The following GOLPH3 variants were observed in gnomAD, a reference collection of about 807,000 sequenced individuals.
GOLPH3 encodes coat protein GPP34.
In GOLPH3, 14 loss-of-function variants were observed where a neutral mutation model predicts 28.5. That is an observed-to-expected ratio of 0.49 (90% CI 0.32 to 0.77). The LOEUF (loss-of-function observed/expected upper bound fraction) is 0.77, where lower values mean the gene tolerates loss of function less well. Among genes scored for constraint, GOLPH3 ranks in the 30% least tolerant of loss-of-function variants. GOLPH3 has a pLI of 0.03. For missense variants in GOLPH3, 350 were observed against 393.7 expected, an observed-to-expected ratio of 0.89 and a Z score of 0.94; for synonymous variants, 158 against 159.2, an observed-to-expected ratio of 0.99 and a Z score of 0.06.
Position 32,173,297 on chromosome 5 carries a change from G to A in GOLPH3, c.225+513C>T, listed in dbSNP as rs181428998. 2.0e-5 allele frequency among the ~76,000 whole-genome samples: 3 copies of A among 151,646 alleles called. No individual in the cohort carries two copies. The East Asian group carries it at 5.8e-4, about 30-fold the overall frequency. On this transcript the variant is annotated intron_variant, in intron 1 of 3. Transcript: ENST00000265070. ...GAGCTTTTCCCTCTATTACCACTTC[G>A]CCTACGTTTTTCGTAATTCCCAACA...
chr5:32,150,770 T>G (rs190854059), intron 1 of GOLPH3, among the ~76,000 whole-genome samples: 41 of 152,302 alleles, frequency 2.7e-4, no homozygotes, highest in African/African-American at 5.8e-4. Flanking sequence ...ATTCTCACGC[T>G]GGTGCTGAAA....
Position 32,174,283 on chromosome 5 carries a change from C to T in GOLPH3, c.-249G>A. The T allele has an allele frequency of 2.9e-6, 1 of 347,080 alleles. No homozygotes were observed. Among genetic ancestry groups the T allele is most frequent in the Non-Finnish European group, 5.2e-6 (1 of 193,704 alleles). 21.5% of individuals were successfully genotyped at this position (347,080 alleles called of 1,614,324 possible). On this transcript the variant is annotated 5_prime_UTR_variant, in exon 1 of 4. Coordinates refer to ENST00000265070, the MANE Select transcript of GOLPH3 (RefSeq NM_022130.4). ...GCCGCAGTCCCCGAAACACCCCGAG[C>T]TCCAAGGCGGAGGCGGCGGCGGCGC...
At chr5:32,166,254 G>A (rs184906571) in intron 1 of GOLPH3, among the ~76,000 whole-genome samples, 3 of 152,256 alleles carry the variant, frequency 2.0e-5, no homozygotes, top group Non-Finnish European at 4.4e-5. Flanking sequence ...CATCCTTGTT[G>A]GCAATACACT....
chr5:32,140,783 T>C lies in GOLPH3; in HGVS notation c.357+2966A>G, dbSNP rs550483455. ...ACCAACCACCCTCCTGCCCAGGCAATGGAGTGAGACTCTGTCTCCAAAAAA... is the reference window on the plus strand; with the variant it reads ...ACCAACCACCCTCCTGCCCAGGCAACGGAGTGAGACTCTGTCTCCAAAAAA... On this transcript the variant is annotated intron_variant, in intron 2 of 3. Coordinates refer to ENST00000265070, the MANE Select transcript of GOLPH3 (RefSeq NM_022130.4). Among the ~76,000 whole-genome samples the C allele has an allele frequency of 2.1e-3, 278 of 134,214 alleles. 3 individuals carry two copies. Among genetic ancestry groups the C allele is most frequent in the Admixed American group, 4.8e-3 (61 of 12,578 alleles). 88.0% of individuals were successfully genotyped at this position (134,214 alleles called of 152,430 possible). A position where few individuals can be genotyped will look rare whatever the true frequency, so the allele number is the denominator to read the frequency against.
At chr5:32,168,891 C>T (rs1409231824) in intron 1 of GOLPH3, among the ~76,000 whole-genome samples, 1 of 151,726 alleles carries the variant, frequency 6.6e-6, no homozygotes, top group African/African-American at 2.4e-5. Context: ...GCCAGGAGTT[C>T]GAGGCTGCAG....
chr5:32,163,679 T>A (rs1213255979), intron 1 of GOLPH3, among the ~76,000 whole-genome samples: 1 of 151,820 alleles, frequency 6.6e-6, no homozygotes, highest in African/African-American at 2.4e-5. Flanking sequence ...TATATATATT[T>A]TTTTTCTTTG....
At chr5:32,167,022 T>C (rs1746731092) in intron 1 of GOLPH3, among the ~76,000 whole-genome samples, 1 of 152,120 alleles carries the variant, frequency 6.6e-6, no homozygotes, top group Non-Finnish European at 1.5e-5. Flanking sequence ...CTTAACATTA[T>C]GTACCAGAAC....
intron 1 of GOLPH3, among the ~76,000 whole-genome samples, chr5:32,154,712 C>T (rs1746378378): frequency 6.6e-6 from 1 of 152,212 alleles, no homozygotes; most frequent in African/African-American, 2.4e-5. Context: ...ACCAAATGAA[C>T]TCACTGGTCT....
rs1313616801 is a variant in GOLPH3, at chr5:32,125,353, T to C, written c.*859A>G. 6.6e-6 allele frequency: 1 copy of C among 152,642 alleles called. No individual in the cohort carries two copies. The allele number at this position is 152,642 out of a possible 1,614,324, so 9.5% of individuals were successfully genotyped here. On this transcript the variant is annotated 3_prime_UTR_variant, in exon 4 of 4. Coordinates refer to ENST00000265070, the MANE Select transcript of GOLPH3 (RefSeq NM_022130.4). Reference sequence around the variant, plus strand: ...ATGCATAGGCAAAGAGTACCATAAATGGCACAGCTCAAAAAATCCCAGGAC... The same window carrying C: ...ATGCATAGGCAAAGAGTACCATAAACGGCACAGCTCAAAAAATCCCAGGAC...
chr5:32,144,954 C>G (rs1746156936), intron 1 of GOLPH3, among the ~76,000 whole-genome samples: 1 of 152,200 alleles, frequency 6.6e-6, no homozygotes, highest in Admixed American at 6.5e-5. Context: ...AAATAACTCT[C>G]ATTAAGGCTC....
intron 1 of GOLPH3, among the ~76,000 whole-genome samples, chr5:32,158,507 C>T (rs1278392419): frequency 2.0e-5 from 3 of 152,092 alleles, no homozygotes; most frequent in Non-Finnish European, 2.9e-5. Flanking sequence ...GAGACAGACC[C>T]GGACCAACCC....
chr5:32,135,514 T>A, intron 3 of GOLPH3, 58 bp downstream of exon 3: 1 of 1,072,816 alleles, frequency 9.3e-7, no homozygotes, highest in Non-Finnish European at 1.4e-6. Flanking sequence ...TCAAAAGGAT[T>A]TAAACTTCGC....
At chr5:32,135,303 T>C (rs147592630) in intron 3 of GOLPH3, among the ~76,000 whole-genome samples, 13 of 152,312 alleles carry the variant, frequency 8.5e-5, no homozygotes, top group African/African-American at 2.9e-4. Flanking sequence ...ACCTAGCCTA[T>C]CCAGATTAAG....
Position 32,128,945 on chromosome 5 carries a change from G to A in GOLPH3, c.473-2309C>T, listed in dbSNP as rs900057822. ...TCTACAAAAAATACAAAAGTTAGCC[G>A]GGGCCAGGCATGGCGGGTTACGCTT... On this transcript the variant is annotated intron_variant, in intron 3 of 3. Transcript: ENST00000265070. Among the ~76,000 whole-genome samples the A allele has an allele frequency of 4.6e-5, 7 of 152,146 alleles. No individual in the cohort carries two copies. In the South Asian group the frequency reaches 6.2e-4, roughly 14 times the overall value.
chr5:32,174,288 A>G lies in GOLPH3; in HGVS notation c.-254T>C, dbSNP rs1746925668. On this transcript the variant is annotated 5_prime_UTR_variant, in exon 1 of 4. Coordinates refer to ENST00000265070, the MANE Select transcript of GOLPH3 (RefSeq NM_022130.4). ...AGTCCCCGAAACACCCCGAGCTCCA[A>G]GGCGGAGGCGGCGGCGGCGCCTTTC... The G allele has an allele frequency of 1.5e-5, 5 of 335,372 alleles. No individual in the cohort carries two copies. In the East Asian group the frequency reaches 1.8e-4, roughly 12 times the overall value. 20.8% of individuals were successfully genotyped at this position (335,372 alleles called of 1,614,324 possible).
At chr5:32,130,337 C>T (rs1432580815) in intron 3 of GOLPH3, among the ~76,000 whole-genome samples, 1 of 152,144 alleles carries the variant, frequency 6.6e-6, no homozygotes, top group Admixed American at 6.6e-5. Context: ...AAATAATAAA[C>T]AGCCAAACTT....
chr5:32,147,899 ATAGT>A (rs1746213052), intron 1 of GOLPH3, among the ~76,000 whole-genome samples: 2 of 152,350 alleles, frequency 1.3e-5, no homozygotes, highest in African/African-American at 4.8e-5. Flanking sequence ...CACATACTAT[ATAGT>A]TAAATTTCTG....
chr5:32,134,396 A>T (rs1745888067), intron 3 of GOLPH3, among the ~76,000 whole-genome samples: 1 of 151,954 alleles, frequency 6.6e-6, no homozygotes, highest in African/African-American at 2.4e-5. Flanking sequence ...TTTGGTAGAA[A>T]CAGGGTTTCA....
At chr5:32,161,574 T>C (rs1312095718) in intron 1 of GOLPH3, among the ~76,000 whole-genome samples, 1 of 151,312 alleles carries the variant, frequency 6.6e-6, no homozygotes, top group African/African-American at 2.5e-5. Context: ...GCACCAACTA[T>C]CAGGCACTTT....
Sources: allele counts gnomAD v4.1 joint callset (sites outside exome capture counted in the v4.1 genomes callset), GRCh38; gene constraint gnomAD v4.1.1; transcripts MANE v1.5; gene names NCBI Gene and HGNC (gene_info 2026-07-23, HGNC 2026-07-21).